The following FGF18 variants were observed in gnomAD, a reference collection of about 807,000 sequenced individuals.
FGF18 encodes fibroblast growth factor 18.
FGF18 carries 5 observed loss-of-function variants against 23.0 expected under a neutral mutation model. The observed-to-expected ratio is 0.22, with a 90% CI of 0.11 to 0.46. The LOEUF is 0.46. Among genes scored for constraint, FGF18 ranks in the 20% least tolerant of loss-of-function variants. The probability of loss-of-function intolerance (pLI) is 0.99; values close to 1 mark genes in which losing one functional copy is unlikely to be tolerated. For synonymous variants in FGF18, 117 were observed against 118.9 expected (o/e 0.98, Z 0.10); for missense variants, 180 against 291.6 (o/e 0.62, Z 2.79).
chr5:171,445,687 T>G (rs937921478), intron 3 of FGF18, among the ~76,000 whole-genome samples: 1 of 152,118 alleles, frequency 6.6e-6, no homozygotes, highest in Non-Finnish European at 1.5e-5. Flanking sequence ...TTAAAGGATT[T>G]CTCTGGCTGT....
At chr5:171,430,315 G>A (rs1316624049) in intron 2 of FGF18, among the ~76,000 whole-genome samples, 12 of 145,334 alleles carry the variant, frequency 8.3e-5, no homozygotes, top group Admixed American at 3.5e-4. Context: ...CCAAGATCAC[G>A]CCATTGCACT....
Position 171,440,244 on chromosome 5 carries a change from C to T in FGF18, c.250+3971C>T, listed in dbSNP as rs533958184. On this transcript the variant is annotated intron_variant, in intron 3 of 4. Coordinates refer to ENST00000274625, the MANE Select transcript of FGF18 (RefSeq NM_003862.3). This position sits in a 1 kb window ranked among gnomAD's most constrained non-coding sequence, Gnocchi z 4.0. ...GGTGTGTGGGGGGGGGTGGTGCCAT[C>T]GCGGGCTCAGGTGAGGAACTGCCAT... Among the ~76,000 whole-genome samples the T allele has an allele frequency of 5.9e-5, 9 of 151,932 alleles. No homozygotes were observed. The South Asian group carries it at 8.3e-4, about 14-fold the overall frequency.
intron 2 of FGF18, among the ~76,000 whole-genome samples, chr5:171,429,271 C>T (rs918897222): frequency 4.6e-5 from 7 of 152,322 alleles, no homozygotes; most frequent in Non-Finnish European, 8.8e-5. Flanking sequence ...TCAATTTGGG[C>T]CAGTCCCGTG....
chr5:171,432,589 A>G (rs916658221), intron 2 of FGF18, among the ~76,000 whole-genome samples: 2 of 152,024 alleles, frequency 1.3e-5, no homozygotes, highest in African/African-American at 4.8e-5. Flanking sequence ...TTGTATTTTC[A>G]GTAGAGACAG....
At chr5:171,447,374 G>T (rs1772431888) in intron 3 of FGF18, among the ~76,000 whole-genome samples, 1 of 152,218 alleles carries the variant, frequency 6.6e-6, no homozygotes, top group African/African-American at 2.4e-5. Context: ...TGGGGAGGGA[G>T]CTCACAGAGG....
At chr5:171,429,566 G>A (rs971270227) in intron 2 of FGF18, among the ~76,000 whole-genome samples, 24 of 152,346 alleles carry the variant, frequency 1.6e-4, no homozygotes, top group African/African-American at 5.5e-4. Context: ...TCCAGAGTTT[G>A]GAGAAGCTCT....
In FGF18 at chr5:171,451,214, G is replaced by GCCCGGC. The variant is rs1335680521; in HGVS notation, c.357+1971_357+1976dup. Reference sequence around the variant, plus strand: ...GCGCACCCTGGCGCAGCGGAGGGAGGCCCGGCCCCGGCCCCCGGCGCCTCC... The same window carrying GCCCGGC: ...GCGCACCCTGGCGCAGCGGAGGGAGGCCCGGCCCCGGCCCCGGCCCCCGGCGCCTCC... On this transcript the variant is annotated intron_variant, in intron 4 of 4. Coordinates refer to ENST00000274625, the MANE Select transcript of FGF18 (RefSeq NM_003862.3). The surrounding 1 kb of genome is among the most constrained non-coding windows in gnomAD (Gnocchi z 4.5). Among the ~76,000 whole-genome samples the GCCCGGC allele has an allele frequency of 2.0e-5, 3 of 152,022 alleles. No homozygotes were observed. Among genetic ancestry groups the GCCCGGC allele is most frequent in the Admixed American group, 1.3e-4 (2 of 15,282 alleles).
At chr5:171,454,115 G>C (rs971776683) in intron 4 of FGF18, among the ~76,000 whole-genome samples, 3 of 152,104 alleles carry the variant, frequency 2.0e-5, no homozygotes, top group African/African-American at 7.2e-5. Flanking sequence ...TCAGAAGATG[G>C]AGTATGTGAG....
intron 3 of FGF18, among the ~76,000 whole-genome samples, chr5:171,442,532 A>C (rs1294213818): frequency 6.6e-6 from 1 of 152,130 alleles, no homozygotes; most frequent in Non-Finnish European, 1.5e-5. Context: ...AGGGCCCCAG[A>C]TCGGAGGCCC....
intron 2 of FGF18, among the ~76,000 whole-genome samples, chr5:171,433,096 G>A (rs1772203741): frequency 6.6e-6 from 1 of 152,186 alleles, no homozygotes; most frequent in Admixed American, 6.5e-5. Context: ...TTGTTTCCGA[G>A]CCAGAGGCCA....
chr5:171,432,359 TTTCTTC>T (rs57512567), intron 2 of FGF18, among the ~76,000 whole-genome samples: 5 of 151,374 alleles, frequency 3.3e-5, no homozygotes, highest in Non-Finnish European at 5.9e-5. Flanking sequence ...TGGGGGTCAT[TTTCTTC>T]TTCTTCTTCT....
chr5:171,445,829 A>G (rs1337657786), intron 3 of FGF18, among the ~76,000 whole-genome samples: 1 of 152,068 alleles, frequency 6.6e-6, no homozygotes, highest in Non-Finnish European at 1.5e-5. Context: ...TAATGTCATC[A>G]ACTCCTCCGC....
chr5:171,456,996 C>A lies in FGF18; in HGVS notation c.*191C>A. The stretch of plus-strand genomic sequence containing the variant: ...TAAGGATTTTATTGTTGACTTGAAA[C>A]CCCCGATGACAAAAGACTCACGCAA... On this transcript the variant is annotated 3_prime_UTR_variant, in exon 5 of 5. Transcript: ENST00000274625. The surrounding 1 kb of genome is among the most constrained non-coding windows in gnomAD (Gnocchi z 6.1). 1.4e-6 allele frequency: 1 copy of A among 694,112 alleles called. No homozygotes were observed. The highest frequency in any genetic ancestry group is 2.3e-6 in the Non-Finnish European group (1 of 430,942). 43.0% of individuals were successfully genotyped at this position (694,112 alleles called of 1,614,324 possible).
At chr5:171,424,119 C>T (rs1190111718) in intron 2 of FGF18, among the ~76,000 whole-genome samples, 1 of 152,140 alleles carries the variant, frequency 6.6e-6, no homozygotes, top group South Asian at 2.1e-4. Flanking sequence ...ATTCATTCAG[C>T]ACATACTTGC....
At chr5:171,424,716 G>A (rs887020849) in intron 2 of FGF18, among the ~76,000 whole-genome samples, 1 of 152,244 alleles carries the variant, frequency 6.6e-6, no homozygotes, top group African/African-American at 2.4e-5. Context: ...GAGGGTGTCT[G>A]ACTTGGAGTC....
intron 4 of FGF18, among the ~76,000 whole-genome samples, chr5:171,453,559 G>A (rs1772544657): frequency 6.6e-6 from 1 of 152,218 alleles, no homozygotes; most frequent in African/African-American, 2.4e-5. Flanking sequence ...GTGAGCTGCA[G>A]TGGCTAGGGC....
intron 2 of FGF18, among the ~76,000 whole-genome samples, chr5:171,432,328 G>T (rs572818826): frequency 1.3e-5 from 2 of 152,028 alleles, no homozygotes. Context: ...TCACCTCCAC[G>T]GGTCGCTGAG....
At position 171,419,976 on chromosome 5, in the gene FGF18, C is replaced by G. The variant is rs1479865670; in HGVS notation, c.-224C>G. 1 of 180,270 alleles carries G rather than the reference C, an allele frequency of 5.5e-6. No homozygotes were observed. Among genetic ancestry groups the G allele is most frequent in the Non-Finnish European group, 1.1e-5 (1 of 88,088 alleles). The allele number at this position is 180,270 out of a possible 1,614,324, so 11.2% of individuals were successfully genotyped here. The stretch of plus-strand genomic sequence containing the variant: ...CCGCCCCGCAGCCCCTGCGCCAGCC[C>G]GGAGGGCGCAGCGCTCGGGAGGAGC... On this transcript the variant is annotated 5_prime_UTR_variant, in exon 1 of 5. Transcript: ENST00000274625.
Position 171,420,499 on chromosome 5 carries a change from A to T in FGF18, c.69+56A>T, listed in dbSNP as rs894246430. 2.0e-6 allele frequency: 3 copies of T among 1,532,010 alleles called. No individual in the cohort carries two copies. In the African/African-American group the frequency reaches 4.2e-5, roughly 21 times the overall value. 94.9% of individuals were successfully genotyped at this position (1,532,010 alleles called of 1,614,324 possible). A position where few individuals can be genotyped will look rare whatever the true frequency, so the allele number is the denominator to read the frequency against. On this transcript the variant is annotated intron_variant, in intron 2 of 4. Coordinates refer to ENST00000274625, the MANE Select transcript of FGF18 (RefSeq NM_003862.3). ...CGCCCCTGCCTCGCGGTACACGCCGACCCCCCTTCCCCGGCCGCGCCCCCT... is the reference window on the plus strand; with the variant it reads ...CGCCCCTGCCTCGCGGTACACGCCGTCCCCCCTTCCCCGGCCGCGCCCCCT...
Sources: gnomAD v4.1 joint callset for allele counts (sites outside exome capture counted in the v4.1 genomes callset) on GRCh38, gnomAD v4.1.1 for gene constraint, Gnocchi (gnomAD v3.1) non-coding constraint, MANE v1.5 for transcripts, NCBI Gene and HGNC (gene_info 2026-07-23, HGNC 2026-07-21) for gene names.